AKAP19: variants seen among roughly 807,000 people sequenced by gnomAD.
The protein encoded by AKAP19 is small A-kinase anchoring protein.
chr2:190,038,901 T>TTTCCTTCTTC, the AKAP19 span, among the ~76,000 whole-genome samples: 3 of 46,024 alleles, frequency 6.5e-5, 1 homozygote, highest in South Asian at 1.0e-3. Flanking sequence ...TCTTTCTTTC[T>TTTCCTTCTTC]TTCTTCTTCT....
the AKAP19 span, among the ~76,000 whole-genome samples, chr2:189,903,317 T>C: frequency 3.9e-5 from 6 of 152,062 alleles, no homozygotes; most frequent in East Asian, 9.6e-4. Flanking sequence ...ATTTAACTTA[T>C]ATTAAACCTA....
chr2:189,971,387 T>C, the AKAP19 span, among the ~76,000 whole-genome samples: 16 of 152,368 alleles, frequency 1.1e-4, no homozygotes, highest in Middle Eastern at 6.8e-3. Flanking sequence ...CTATCATTGA[T>C]GGACATTTGG....
chr2:190,193,521 T>C, the AKAP19 span, among the ~76,000 whole-genome samples: 1 of 152,178 alleles, frequency 6.6e-6, no homozygotes, highest in African/African-American at 2.4e-5. Flanking sequence ...TTCTCTAGTG[T>C]AGCCATTAGG....
the AKAP19 span, among the ~76,000 whole-genome samples, chr2:190,035,228 C>T: frequency 1.5e-4 from 23 of 151,960 alleles, no homozygotes; most frequent in African/African-American, 2.4e-4. Context: ...ATCAGGAGTT[C>T]GAGACCAGCC....
At chr2:190,200,160 GACA>G in the AKAP19 span, 3 of 1,610,048 alleles carry the variant, frequency 1.9e-6, no homozygotes, top group Non-Finnish European at 2.5e-6. Flanking sequence ...GCTGTAGGAT[GACA>G]ACACTTTGAC....
chr2:190,192,900 G>A, the AKAP19 span, among the ~76,000 whole-genome samples: 9 of 151,596 alleles, frequency 5.9e-5, no homozygotes, highest in Admixed American at 5.3e-4. Flanking sequence ...AATTTTTTTT[G>A]GGGGGAGGCC....
chr2:190,181,236 C>A, the AKAP19 span: 1 of 809,438 alleles, frequency 1.2e-6, no homozygotes, highest in Non-Finnish European at 1.5e-6. Flanking sequence ...TTTAATTAAA[C>A]GAGACCGTTC....
At chr2:190,145,513 G>A in the AKAP19 span, among the ~76,000 whole-genome samples, 143 of 152,204 alleles carry the variant, frequency 9.4e-4, no homozygotes, top group African/African-American at 3.1e-3. Context: ...GTCAATGACC[G>A]ACTGCATATA....
chr2:189,987,476 C>T, the AKAP19 span, among the ~76,000 whole-genome samples: 1 of 152,154 alleles, frequency 6.6e-6, no homozygotes, highest in African/African-American at 2.4e-5. Flanking sequence ...TGTGAGAGGC[C>T]ATGATCTTTC....
At chr2:190,075,491 T>C in the AKAP19 span, among the ~76,000 whole-genome samples, 4 of 152,206 alleles carry the variant, frequency 2.6e-5, no homozygotes, top group African/African-American at 7.2e-5. Context: ...TGTCAGTTTT[T>C]AAATGTATTT....
chr2:190,005,121 A>G, the AKAP19 span, among the ~76,000 whole-genome samples: 4 of 152,162 alleles, frequency 2.6e-5, no homozygotes, highest in Non-Finnish European at 5.9e-5. Context: ...GGACCTTCCC[A>G]GTGAGTGTTA....
the AKAP19 span, among the ~76,000 whole-genome samples, chr2:190,191,055 G>C: frequency 6.6e-6 from 1 of 152,128 alleles, no homozygotes; most frequent in Non-Finnish European, 1.5e-5. Context: ...GCATGCCTTT[G>C]AGTCATCCAT....
chr2:189,919,162 G>A, the AKAP19 span, among the ~76,000 whole-genome samples: 1 of 152,120 alleles, frequency 6.6e-6, no homozygotes, highest in African/African-American at 2.4e-5. Context: ...TGGACAGGGG[G>A]GACTACTGTA....
At chr2:190,043,950 G>T in the AKAP19 span, among the ~76,000 whole-genome samples, 1 of 152,180 alleles carries the variant, frequency 6.6e-6, no homozygotes, top group Non-Finnish European at 1.5e-5. Flanking sequence ...TTTCAGAAGG[G>T]AATATGTTAG....
chr2:189,994,478 G>T, the AKAP19 span, among the ~76,000 whole-genome samples: 2 of 152,078 alleles, frequency 1.3e-5, no homozygotes, highest in South Asian at 4.2e-4. Context: ...CCGTATCCCA[G>T]AGGTTTTCCT....
At chr2:190,153,024 T>C in the AKAP19 span, among the ~76,000 whole-genome samples, 193 of 152,110 alleles carry the variant, frequency 1.3e-3, 1 homozygote, top group African/African-American at 4.5e-3. Context: ...GCCTCCTGAG[T>C]AGCTGGGACT....
At chr2:189,954,750 T>C in the AKAP19 span, among the ~76,000 whole-genome samples, 1 of 152,262 alleles carries the variant, frequency 6.6e-6, no homozygotes, top group Non-Finnish European at 1.5e-5. Flanking sequence ...TGCAGTTTTA[T>C]TGACCATCAG....
chr2:190,020,713 A>C, the AKAP19 span, among the ~76,000 whole-genome samples: 2 of 152,144 alleles, frequency 1.3e-5, no homozygotes, highest in Admixed American at 6.6e-5. Flanking sequence ...TCATCTTCCC[A>C]AACTGAAACT....
the AKAP19 span, among the ~76,000 whole-genome samples, chr2:190,171,119 A>T: frequency 3.9e-5 from 6 of 152,188 alleles, no homozygotes; most frequent in Non-Finnish European, 5.9e-5. Flanking sequence ...CTAGGAAGCC[A>T]ATCAAACAAG....
Sources: allele counts gnomAD v4.1 joint callset (sites outside exome capture counted in the v4.1 genomes callset), GRCh38; gene constraint gnomAD v4.1.1; transcripts MANE v1.5; gene names NCBI Gene and HGNC (gene_info 2026-07-23, HGNC 2026-07-21).